EGFR: variants seen among roughly 807,000 people sequenced by gnomAD.
EGFR encodes epidermal growth factor receptor.
A neutral mutation model predicts 143.0 loss-of-function variants in EGFR; 58 were observed. That is an observed-to-expected ratio of 0.41 (90% CI 0.33 to 0.50). The LOEUF is 0.50. Among genes scored for constraint, EGFR ranks in the 20% least tolerant of loss-of-function variants. The pLI, the probability that EGFR is intolerant of heterozygous loss-of-function variation, is 0.39. For missense variants in EGFR, 1,307 were observed against 1,579.0 expected (o/e 0.83, Z 2.92); for synonymous variants, 613 against 594.4 (o/e 1.03, Z -0.45).
At chr7:55,022,976 G>T (rs1435124706) in intron 1 of EGFR, among the ~76,000 whole-genome samples, 1 of 152,162 alleles carries the variant, frequency 6.6e-6, no homozygotes, top group African/African-American at 2.4e-5. Flanking sequence ...TTTGATCTAA[G>T]CTCTAAGACT....
chr7:55,040,684 T>A (rs1306470756), intron 1 of EGFR, among the ~76,000 whole-genome samples: 2 of 152,230 alleles, frequency 1.3e-5, no homozygotes, highest in Non-Finnish European at 2.9e-5. Context: ...ACTGTTTTTG[T>A]GACAACATGC....
At chr7:55,049,289 G>A (rs1788348761) in intron 1 of EGFR, among the ~76,000 whole-genome samples, 2 of 152,128 alleles carry the variant, frequency 1.3e-5, no homozygotes, top group African/African-American at 4.8e-5. Flanking sequence ...ACAAAAAGAA[G>A]AGAATTTGAA....
chr7:55,053,791 A>G (rs1788629136), intron 1 of EGFR, among the ~76,000 whole-genome samples: 1 of 152,212 alleles, frequency 6.6e-6, no homozygotes, highest in South Asian at 2.1e-4. Context: ...GTTTCCTAGG[A>G]GGACATCCGA....
At chr7:55,078,444 T>C (rs1220613806) in intron 1 of EGFR, among the ~76,000 whole-genome samples, 2 of 152,238 alleles carry the variant, frequency 1.3e-5, no homozygotes. Flanking sequence ...CTAAAGCATG[T>C]GTGCTAGCTG....
At chr7:55,114,939 TG>T (rs1284420347) in intron 1 of EGFR, among the ~76,000 whole-genome samples, 1 of 148,322 alleles carries the variant, frequency 6.7e-6, no homozygotes, top group Admixed American at 6.9e-5. Context: ...TGGAGTGCAA[TG>T]GTGCGATCTC....
rs1431327306 is a variant in EGFR at position 55,198,738 on chromosome 7, T to C, written c.2723T>C (p.Met908Thr). 3.3e-5 allele frequency: 54 copies of C among 1,614,112 alleles called. 1 individual carries two copies. In the Admixed American group the frequency reaches 9.0e-4, roughly 27 times the overall value. Residue 908 changes from methionine to threonine, a missense_variant, in exon 23 of 28, where the codon ATG becomes ACG. By Grantham distance (81) the Met-to-Thr change is moderately conservative. Coordinates refer to ENST00000275493, the MANE Select transcript of EGFR (RefSeq NM_005228.5). ...WSYGVTVWEL[M>T]TFGSKPYDGI... is the part of the protein sequence containing the mutation. ...TCAGGGGTGACTGTTTGGGAGTTGA[T>C]GACCTTTGGATCCAAGCCATATGAC...
At chr7:55,130,817 T>C (rs1185946466) in intron 1 of EGFR, among the ~76,000 whole-genome samples, 1 of 152,190 alleles carries the variant, frequency 6.6e-6, no homozygotes, top group Non-Finnish European at 1.5e-5. Context: ...GGATCCCTGC[T>C]AGACACAAGG....
rs140060480 is a variant in EGFR, at chr7:55,186,127, C to T, written c.2469+4649C>T. Among the ~76,000 whole-genome samples the T allele has an allele frequency of 5.1e-4, 77 of 152,270 alleles. No individual in the cohort carries two copies. The East Asian group carries it at 0.012, about 24-fold the overall frequency. On this transcript the variant is annotated intron_variant, in intron 20 of 27. Coordinates refer to ENST00000275493, the MANE Select transcript of EGFR (RefSeq NM_005228.5). ...AGGCCTATTCCTAGGTGCCAGGTCA[C>T]GAAAACCACGCTGACAGATCGTGCT...
At chr7:55,201,608 A>G (rs1365834582) in intron 25 of EGFR, 127 bp from the exon 26 acceptor site, 5 of 1,315,512 alleles carry the variant, frequency 3.8e-6, no homozygotes, top group African/African-American at 1.5e-5. Context: ...CTCTAAAACT[A>G]ACGATTAAGA....
intron 3 of EGFR, among the ~76,000 whole-genome samples, chr7:55,144,377 G>A (rs1794641461): frequency 6.6e-6 from 1 of 152,224 alleles, no homozygotes; most frequent in African/African-American, 2.4e-5. Flanking sequence ...ACTCCCTTGA[G>A]GGCCCCAGCT....
chr7:55,129,206 T>G (rs1440885326), intron 1 of EGFR, among the ~76,000 whole-genome samples: 2 of 152,138 alleles, frequency 1.3e-5, no homozygotes, highest in African/African-American at 2.4e-5. Context: ...AAGAAGCAGA[T>G]CTAGCTGGGG....
intron 5 of EGFR, 150 bp from the exon 6 acceptor site, chr7:55,152,396 G>A (rs750033984): frequency 1.2e-6 from 1 of 800,316 alleles, no homozygotes. Context: ...TCAGAAAAGG[G>A]CATGGTTTGA....
chr7:55,121,272 G>A (rs1268706519), intron 1 of EGFR, among the ~76,000 whole-genome samples: 1 of 152,144 alleles, frequency 6.6e-6, no homozygotes, highest in African/African-American at 2.4e-5. Flanking sequence ...AACATTTTTT[G>A]GCAGACATTC....
chr7:55,069,198 A>T (rs1016790281), intron 1 of EGFR, among the ~76,000 whole-genome samples: 1 of 152,196 alleles, frequency 6.6e-6, no homozygotes, highest in African/African-American at 2.4e-5. Context: ...TAAAATTCAG[A>T]TAATTAAGAC....
chr7:55,160,365 A>G (rs1390042649), intron 12 of EGFR, 27 bp downstream of exon 12: 4 of 1,608,426 alleles, frequency 2.5e-6, no homozygotes, highest in Non-Finnish European at 3.4e-6. Context: ...TGTTTAGTTT[A>G]TGGAGTTGGT....
At chr7:55,075,191 TAA>T (rs36085258) in intron 1 of EGFR, among the ~76,000 whole-genome samples, 168 of 134,760 alleles carry the variant, frequency 1.2e-3, no homozygotes, top group Middle Eastern at 3.9e-3. Context: ...AAGCAGGAGC[TAA>T]AAAAAAAAAA....
intron 23 of EGFR, among the ~76,000 whole-genome samples, chr7:55,199,353 G>A (rs538342179): frequency 6.6e-6 from 1 of 152,366 alleles, no homozygotes; most frequent in East Asian, 1.9e-4. Flanking sequence ...TGTGTAATTT[G>A]ATTGATGCTA....
chr7:55,079,674 C>T (rs1366885901), intron 1 of EGFR, among the ~76,000 whole-genome samples: 1 of 152,020 alleles, frequency 6.6e-6, no homozygotes, highest in African/African-American at 2.4e-5. Context: ...AGTTTTGGGC[C>T]CAAGAACGTG....
At chr7:55,119,199 C>T (rs1793053361) in intron 1 of EGFR, 2 of 152,152 alleles carry the variant, frequency 1.3e-5, no homozygotes, top group Admixed American at 1.3e-4. Flanking sequence ...AGAGAGTGCC[C>T]TCCTAATGAA....
Sources: allele counts gnomAD v4.1 joint callset (sites outside exome capture counted in the v4.1 genomes callset), GRCh38; gene constraint gnomAD v4.1.1; transcripts MANE v1.5; gene names NCBI Gene and HGNC (gene_info 2026-07-23, HGNC 2026-07-21).